The following ABCC1 variants were observed in gnomAD, a reference collection of about 807,000 sequenced individuals.
The protein encoded by ABCC1 is multidrug resistance-associated protein 1.
Under a neutral mutation model 172.9 loss-of-function variants are expected in ABCC1, and 83 were observed. The observed-to-expected ratio is 0.48, with a 90% CI of 0.40 to 0.58. The LOEUF (loss-of-function observed/expected upper bound fraction) is 0.58. Among genes scored for constraint, ABCC1 ranks in the 20% least tolerant of loss-of-function variants. The probability of loss-of-function intolerance (pLI) is 0.00; values close to 1 mark genes in which losing one functional copy is unlikely to be tolerated. For missense variants in ABCC1, 1,817 were observed against 2,002.7 expected, an observed-to-expected ratio of 0.91 and a Z score of 1.77; for synonymous variants, 937 against 825.2, an observed-to-expected ratio of 1.14 and a Z score of -2.32.
intron 19 of ABCC1, among the ~76,000 whole-genome samples, chr16:16,099,454 C>T (rs1023932465): frequency 3.9e-5 from 6 of 152,172 alleles, no homozygotes; most frequent in African/African-American, 1.4e-4. Flanking sequence ...GGGTCCCAGC[C>T]AAGGGCTTTT....
At chr16:16,088,530 G>A (rs1187516081) in intron 18 of ABCC1, among the ~76,000 whole-genome samples, 2 of 152,166 alleles carry the variant, frequency 1.3e-5, no homozygotes, top group Non-Finnish European at 2.9e-5. Context: ...GAGAGCAAGG[G>A]TTAGCAAATC....
chr16:16,013,071 CAG>C (rs925028196), intron 3 of ABCC1, among the ~76,000 whole-genome samples: 2 of 152,086 alleles, frequency 1.3e-5, no homozygotes, highest in Non-Finnish European at 2.9e-5. Context: ...TTTGACTCCT[CAG>C]GGGACTCTGA....
chr16:15,993,406 A>G (rs2046941877), intron 1 of ABCC1, among the ~76,000 whole-genome samples: 1 of 152,192 alleles, frequency 6.6e-6, no homozygotes, highest in Non-Finnish European at 1.5e-5. Context: ...CATTTCACAG[A>G]TGAAGAAATC....
intron 26 of ABCC1, 68 bp downstream of exon 26, chr16:16,125,979 C>A: frequency 8.3e-7 from 1 of 1,206,444 alleles, no homozygotes; most frequent in Non-Finnish European, 1.2e-6. Flanking sequence ...GATCTCTGGA[C>A]CCTATCCTGT....
At position 16,076,398 on chromosome 16, in the gene ABCC1, A is replaced by G. The variant is rs764314550; in HGVS notation, c.1985A>G (p.Asn662Ser). 3.3e-5 allele frequency: 53 copies of G among 1,607,326 alleles called. No individual in the cohort carries two copies. In the East Asian group the frequency reaches 1.1e-3, roughly 33 times the overall value. The change falls in exon 15 of 31, where the codon AAT (asparagine) becomes AGT (serine). Residue 662 changes from asparagine (N) to serine (S), a missense_variant. Asn to Ser is a conservative substitution (Grantham distance 46). This residue lies in a region of ABCC1 where 1,412 missense variants were observed against 1,600.3 expected (regional missense o/e 0.88). Coordinates refer to ENST00000399410, the MANE Select transcript of ABCC1 (RefSeq NM_004996.4). The part of the protein sequence containing the change: ...TWARSDPPTL[N>S]GITFSIPEGA... ...GCCAGGAGCGACCCTCCCACACTGA[A>G]TGGGTAAGCCGGGACGTGGACACAC... is the stretch of plus-strand genomic sequence containing the variant.
chr16:15,982,854 CA>C (rs927998249), intron 1 of ABCC1, among the ~76,000 whole-genome samples: 34 of 126,448 alleles, frequency 2.7e-4, no homozygotes, highest in South Asian at 2.2e-3. Flanking sequence ...GTGTGCTGTA[CA>C]AAAGCAGGCA....
chr16:16,085,582 C>G (rs1007005476), intron 17 of ABCC1, among the ~76,000 whole-genome samples: 1 of 152,194 alleles, frequency 6.6e-6, no homozygotes, highest in African/African-American at 2.4e-5. Context: ...GAGTTCGAGA[C>G]CAGCCTGGGC....
At chr16:16,110,067 C>G (rs552006093) in intron 21 of ABCC1, among the ~76,000 whole-genome samples, 87 of 151,912 alleles carry the variant, frequency 5.7e-4, no homozygotes, top group Non-Finnish European at 2.2e-4. Flanking sequence ...CATGCTGGTT[C>G]TGCCACCTTT....
intron 6 of ABCC1, among the ~76,000 whole-genome samples, chr16:16,034,169 A>G (rs2048661898): frequency 6.6e-6 from 1 of 151,410 alleles, no homozygotes; most frequent in Admixed American, 6.6e-5. Flanking sequence ...CTGGGGCTAC[A>G]GGCACACTCC....
rs145722198 is a variant in ABCC1 at position 16,092,173 on chromosome 16, G to A, written c.2644+1585G>A. The stretch of plus-strand genomic sequence containing the variant: ...GAATAGTTTGAACCTTGGAGGCGGA[G>A]GTTGCAGTGAACCGAGATCGTGCCA... On this transcript the variant is annotated intron_variant, in intron 19 of 30. Transcript: ENST00000399410. 1.7e-3 allele frequency among the ~76,000 whole-genome samples: 261 copies of A among 152,304 alleles called. 1 individual carries two copies. Among genetic ancestry groups the A allele is most frequent in the African/African-American group, 5.8e-3 (242 of 41,560 alleles).
chr16:16,002,659 C>A (rs1282929773), intron 1 of ABCC1, among the ~76,000 whole-genome samples: 1 of 151,766 alleles, frequency 6.6e-6, no homozygotes, highest in African/African-American at 2.4e-5. Flanking sequence ...GTGGTCCTAG[C>A]TGCTCAGGAG....
In ABCC1 at chr16:16,042,585, C is replaced by T. The variant is rs59611301; in HGVS notation, c.810-1865C>T. Among the ~76,000 whole-genome samples the T allele has an allele frequency of 1.8e-4, 27 of 152,034 alleles. No individual in the cohort carries two copies. In the East Asian group the frequency reaches 4.7e-3, roughly 26 times the overall value. ...GGGTGTGGTAGCGCACACCTGTAAT[C>T]CCAGCTACTCGGGAGGCTGAGGCAG... On this transcript the variant is annotated intron_variant, in intron 7 of 30. Transcript: ENST00000399410.
intron 1 of ABCC1, among the ~76,000 whole-genome samples, chr16:15,958,471 A>G (rs982923789): frequency 6.6e-6 from 1 of 152,098 alleles, no homozygotes; most frequent in African/African-American, 2.4e-5. Flanking sequence ...GATGGAACCC[A>G]CTTTGGCACC....
chr16:15,999,768 T>C (rs1044897297), intron 1 of ABCC1, among the ~76,000 whole-genome samples: 1 of 95,462 alleles, frequency 1.0e-5, no homozygotes, highest in Non-Finnish European at 2.3e-5. Context: ...GCCCGGCCTC[T>C]TTCTCTCTCT....
chr16:15,980,773 C>G (rs1038914912), intron 1 of ABCC1, among the ~76,000 whole-genome samples: 2 of 152,170 alleles, frequency 1.3e-5, no homozygotes, highest in African/African-American at 4.8e-5. Context: ...AAAACACAAT[C>G]ATGCCTTTCC....
chr16:16,048,750 G>A (rs2151892189), intron 10 of ABCC1, among the ~76,000 whole-genome samples: 1 of 152,310 alleles, frequency 6.6e-6, no homozygotes, highest in South Asian at 2.1e-4. Flanking sequence ...ACTTTGGGAG[G>A]CCGAGGCGGG....
intron 29 of ABCC1, 28 bp downstream of exon 29, chr16:16,136,672 G>C: frequency 6.2e-7 from 1 of 1,611,638 alleles, no homozygotes; most frequent in Non-Finnish European, 8.5e-7. Context: ...AGGAGACACC[G>C]GGTAAGGTGT....
At chr16:16,040,747 C>A (rs1212689243) in intron 7 of ABCC1, among the ~76,000 whole-genome samples, 1 of 152,016 alleles carries the variant, frequency 6.6e-6, no homozygotes, top group Non-Finnish European at 1.5e-5. Flanking sequence ...CTCAGCCTCC[C>A]AAATAGCTGG....
rs483352863 is a variant in ABCC1, at chr16:16,068,122, G to A, written c.1678-34G>A. On this transcript the variant is annotated intron_variant, in intron 12 of 30. Coordinates refer to ENST00000399410, the MANE Select transcript of ABCC1 (RefSeq NM_004996.4). ...CCTAGGATGATGACTCTCACTCGGG[G>A]CACAGCAGTCAGCACTGGGCGTTCT... The A allele has an allele frequency of 6.2e-7, 1 of 1,613,108 alleles. No individual in the cohort carries two copies.
Sources: gnomAD v4.1 joint callset for allele counts (sites outside exome capture counted in the v4.1 genomes callset) on GRCh38, gnomAD v4.1.1 for gene constraint, gnomAD v4.1.1 regional missense constraint, MANE v1.5 for transcripts, NCBI Gene and HGNC (gene_info 2026-07-23, HGNC 2026-07-21) for gene names.